Variants in DNAJC3 observed in about 807,000 individuals in gnomAD.
DNAJC3 encodes the protein dnaJ homolog subfamily C member 3.
In DNAJC3, 38 loss-of-function variants were observed where a neutral mutation model predicts 68.6. The ratio of observed to expected loss-of-function variants is 0.55; its 90% confidence interval spans 0.43 to 0.73. DNAJC3 has a LOEUF of 0.73. Ranked by LOEUF, DNAJC3 falls within the 30% of genes least tolerant of loss-of-function variation. The pLI, the probability that DNAJC3 is intolerant of heterozygous loss-of-function variation, is 0.00. For synonymous variants in DNAJC3, 203 were observed against 204.0 expected, an observed-to-expected ratio of 1.00 and a Z score of 0.04; for missense variants, 526 against 591.9, an observed-to-expected ratio of 0.89 and a Z score of 1.16.
At position 95,689,147 on chromosome 13, in the gene DNAJC3, G is replaced by A. The variant is rs563694051; in HGVS notation, c.82+11810G>A. Among the ~76,000 whole-genome samples, 23 of 148,312 alleles carry A rather than the reference G, an allele frequency of 1.6e-4. No individual in the cohort carries two copies. In the East Asian group the frequency reaches 3.7e-3, roughly 24 times the overall value. ...TTCCTCTTTGATTTTTTTTTTTTTC[G>A]GGGGGGAATACTTTCAGTAAGATTG... On this transcript the variant is annotated intron_variant, in intron 1 of 11. Transcript: ENST00000602402.
Position 95,701,030 on chromosome 13 carries a change from G to GT in DNAJC3, c.83-8192dup, listed in dbSNP as rs1184515264. On this transcript the variant is annotated intron_variant, in intron 1 of 11. Coordinates refer to ENST00000602402, the MANE Select transcript of DNAJC3 (RefSeq NM_006260.5). ...TAGGCATTTAAATGTCATGTCCTTT[G>GT]TTTTTGGATGGTCAGTTTCCCTATT... Among the ~76,000 whole-genome samples, 12 of 152,282 alleles carry GT rather than the reference G, an allele frequency of 7.9e-5. No individual in the cohort carries two copies. The South Asian group carries it at 1.7e-3, about 21-fold the overall frequency.
At chr13:95,735,894 C>T (rs966755385) in intron 4 of DNAJC3, among the ~76,000 whole-genome samples, 4 of 152,192 alleles carry the variant, frequency 2.6e-5, no homozygotes, top group Non-Finnish European at 5.9e-5. Context: ...GAAGTCTTTG[C>T]CCATGCCTAT....
intron 7 of DNAJC3, 115 bp downstream of exon 7, chr13:95,760,913 G>A: frequency 7.1e-7 from 1 of 1,408,964 alleles, no homozygotes. Flanking sequence ...GGGTATTCTA[G>A]ATAGCCCTGG....
chr13:95,733,401 G>GT (rs887462098), intron 4 of DNAJC3, among the ~76,000 whole-genome samples: 4 of 151,882 alleles, frequency 2.6e-5, no homozygotes, highest in African/African-American at 9.7e-5. Flanking sequence ...TTGTCTTTTT[G>GT]TTTTTTGTGA....
intron 4 of DNAJC3, among the ~76,000 whole-genome samples, chr13:95,749,028 G>A (rs992459365): frequency 5.3e-5 from 8 of 152,158 alleles, no homozygotes; most frequent in Non-Finnish European, 1.0e-4. Context: ...TTCACCAACT[G>A]TAAGGAGCTA....
chr13:95,786,162 C>G (rs1472106339), intron 10 of DNAJC3, 91 bp downstream of exon 10: 2 of 1,309,816 alleles, frequency 1.5e-6, no homozygotes, highest in Admixed American at 5.7e-5. Context: ...GATTCATTTT[C>G]TTTACTTATG....
chr13:95,679,494 A>G (rs2139593881), intron 1 of DNAJC3, among the ~76,000 whole-genome samples: 1 of 152,290 alleles, frequency 6.6e-6, no homozygotes, highest in Admixed American at 6.5e-5. Context: ...TGATAGGGAT[A>G]TAAAGGTAAG....
intron 4 of DNAJC3, among the ~76,000 whole-genome samples, chr13:95,733,755 C>T (rs1436584070): frequency 7.5e-6 from 1 of 133,654 alleles, no homozygotes; most frequent in Non-Finnish European, 1.6e-5. Context: ...CCGATAAATA[C>T]GTTTTATTTA....
chr13:95,699,903 T>G (rs539710736), intron 1 of DNAJC3, among the ~76,000 whole-genome samples: 1 of 152,302 alleles, frequency 6.6e-6, no homozygotes, highest in East Asian at 1.9e-4. Flanking sequence ...GGCATGATTG[T>G]AGCACCTGGC....
intron 4 of DNAJC3, among the ~76,000 whole-genome samples, chr13:95,737,259 C>T (rs1881956308): frequency 6.6e-6 from 1 of 152,132 alleles, no homozygotes; most frequent in Non-Finnish European, 1.5e-5. Context: ...CAATGTTCAT[C>T]AAGGATATTG....
At chr13:95,691,310 C>T (rs1307591530) in intron 1 of DNAJC3, among the ~76,000 whole-genome samples, 5 of 151,196 alleles carry the variant, frequency 3.3e-5, no homozygotes, top group Admixed American at 6.6e-5. Flanking sequence ...GGGCACTTGC[C>T]GGGCGGAGGG....
chr13:95,725,068 A>C, intron 3 of DNAJC3, 110 bp from the exon 4 acceptor site: 1 of 691,436 alleles, frequency 1.4e-6, no homozygotes, highest in African/African-American at 1.9e-5. Flanking sequence ...TGTGCACTGG[A>C]AAAATAAATA....
intron 4 of DNAJC3, chr13:95,742,883 A>G (rs772603080): frequency 2.4e-5 from 12 of 505,726 alleles, no homozygotes; most frequent in African/African-American, 5.8e-5. Context: ...AACTTTTCTC[A>G]TATCTTCTAA....
chr13:95,779,228 A>G (rs1421874320), intron 9 of DNAJC3, among the ~76,000 whole-genome samples: 1 of 141,610 alleles, frequency 7.1e-6, no homozygotes, highest in Non-Finnish European at 1.5e-5. Context: ...GGGTTCACCC[A>G]TTCTCCTGCC....
intron 2 of DNAJC3, among the ~76,000 whole-genome samples, chr13:95,714,337 A>T (rs926273697): frequency 4.7e-5 from 7 of 149,834 alleles, no homozygotes; most frequent in African/African-American, 1.7e-4. Context: ...GTGAGCTATG[A>T]TTGTGTCACC....
intron 4 of DNAJC3, among the ~76,000 whole-genome samples, chr13:95,734,536 G>A (rs1436515307): frequency 6.6e-6 from 1 of 152,138 alleles, no homozygotes; most frequent in Non-Finnish European, 1.5e-5. Flanking sequence ...GGTTATCTGA[G>A]CTTTCTGTCT....
chr13:95,752,157 T>C (rs768670859), intron 4 of DNAJC3, among the ~76,000 whole-genome samples: 34 of 152,218 alleles, frequency 2.2e-4, no homozygotes, highest in Admixed American at 1.2e-3. Flanking sequence ...GTTTTCCTTG[T>C]GCAGGGTGTG....
At chr13:95,721,397 C>G (rs893624899) in intron 2 of DNAJC3, among the ~76,000 whole-genome samples, 1 of 152,030 alleles carries the variant, frequency 6.6e-6, no homozygotes, top group Non-Finnish European at 1.5e-5. Context: ...GCATATTTGA[C>G]CCTTCTTTTT....
At chr13:95,748,669 A>T (rs1882382933) in intron 4 of DNAJC3, among the ~76,000 whole-genome samples, 1 of 152,124 alleles carries the variant, frequency 6.6e-6, no homozygotes, top group Non-Finnish European at 1.5e-5. Context: ...CACAAAAATT[A>T]GCTGGGCATG....
Sources: allele counts gnomAD v4.1 joint callset (sites outside exome capture counted in the v4.1 genomes callset), GRCh38; gene constraint gnomAD v4.1.1; transcripts MANE v1.5; gene names NCBI Gene and HGNC (gene_info 2026-07-23, HGNC 2026-07-21).